COX11: variants seen among roughly 807,000 people sequenced by gnomAD.
COX11 encodes the protein cytochrome c oxidase assembly protein COX11, mitochondrial.
A neutral mutation model predicts 29.4 loss-of-function variants in COX11; 18 were observed. That is an observed-to-expected ratio of 0.61 (90% CI 0.42 to 0.91). COX11 has a LOEUF of 0.91. COX11 is among the 40% of genes least tolerant of loss of function. The pLI is 0.00. For synonymous variants in COX11, 131 were observed against 124.0 expected (o/e 1.06, Z -0.38); for missense variants, 312 against 346.0 (o/e 0.90, Z 0.78).
chr17:54,963,061 A>G, intron 3 of COX11, 146 bp from the exon 4 acceptor site: 1 of 811,482 alleles, frequency 1.2e-6, no homozygotes, highest in Non-Finnish European at 1.9e-6. Context: ...ATAAATTAAG[A>G]GCATCTTTTC....
downstream of COX11, among the ~76,000 whole-genome samples, chr17:54,960,232 G>T (rs2077082232): frequency 6.6e-6 from 1 of 152,072 alleles, no homozygotes; most frequent in Admixed American, 6.5e-5. Flanking sequence ...GGGCATGGTT[G>T]TGTGTCCCTG....
chr17:54,959,410 C>T (rs531272509), downstream of COX11: 1 of 151,788 alleles, frequency 6.6e-6, no homozygotes, highest in Non-Finnish European at 1.5e-5. Context: ...CCTGGGAGGT[C>T]GAAGCTGCAA....
chr17:54,964,846 C>T lies in COX11; in HGVS notation c.373G>A (p.Gly125Arg), dbSNP rs1479994843. 4.3e-6 allele frequency: 7 copies of T among 1,612,244 alleles called. No homozygotes were observed. Among genetic ancestry groups the T allele is most frequent in the Non-Finnish European group, 5.9e-6 (7 of 1,179,782 alleles). ...CCTGCAACTGCTGATCCTCCAAGTC[C>T]AGTAGTCTAGAAAAAGATACCAAAT... Reference protein sequence around the residue: ...PLYRLYCQTTGLGGSAVAGHA... With the variant: ...PLYRLYCQTTRLGGSAVAGHA... The change falls in exon 2 of 4, where the codon GGA becomes AGA. Residue 125 changes from glycine (G) to arginine (R), a missense_variant. Transcript: ENST00000299335.
chr17:54,965,588 G>T (rs1204528280), intron 1 of COX11, among the ~76,000 whole-genome samples: 1 of 152,100 alleles, frequency 6.6e-6, no homozygotes, highest in East Asian at 1.9e-4. Context: ...CAGCACTTTG[G>T]GAAGCCACGG....
exon 1 of COX11, chr17:54,954,439 C>T (rs556771848): frequency 6.6e-6 from 1 of 152,380 alleles, no homozygotes; most frequent in Non-Finnish European, 1.5e-5. Flanking sequence ...TGCGTTCCCA[C>T]TATGAGTGGT....
chr17:54,960,309 G>A (rs575328294), downstream of COX11, among the ~76,000 whole-genome samples: 271 of 152,192 alleles, frequency 1.8e-3, 1 homozygote, highest in Non-Finnish European at 3.5e-3. Context: ...AGGTTGCAGT[G>A]AGCCAAGAAA....
chr17:54,955,147 G>C (rs2049432153), exon 1 of COX11: 1 of 152,194 alleles, frequency 6.6e-6, no homozygotes, highest in Admixed American at 6.5e-5. Flanking sequence ...AACTCAGCTT[G>C]AATACTTCTG....
chr17:54,962,735 A>G lies in COX11; in HGVS notation c.829T>C (p.Ter277ArgextTer11). The G allele has an allele frequency of 6.2e-7, 1 of 1,609,982 alleles. No individual in the cohort carries two copies. The highest frequency in any genetic ancestry group is 8.5e-7 in the Non-Finnish European group (1 of 1,178,776). ...GAAGGAAGACTTAGTTGCTGACTTC[A>G]ATTATATCCTGGAACTGGCAACTTG... Reference protein sequence around the residue: ...GHKLPVPGYN* With the variant: ...GHKLPVPGYNR The change falls in exon 4 of 4, where the codon TGA becomes CGA. Residue 277 changes from the stop codon to arginine, a stop_lost. Transcript: ENST00000299335.
rs2049423888 is a variant in COX11, at chr17:54,955,049, C to T, written n.101G>A. ...GAGGCACCCTAACAAGCTCTCCTTC[C>T]AAGACCTAGTTCACGACATTCTACG... On this transcript the variant is annotated non_coding_transcript_exon_variant, in exon 1 of 1. Transcript: ENST00000572088. The T allele has an allele frequency of 2.0e-5, 3 of 152,116 alleles. No individual in the cohort carries two copies. The South Asian group carries it at 6.2e-4, about 32-fold the overall frequency. 9.4% of individuals were successfully genotyped at this position (152,116 alleles called of 1,614,324 possible).
chr17:54,965,866 A>G (rs888310526), intron 1 of COX11, among the ~76,000 whole-genome samples: 4 of 152,000 alleles, frequency 2.6e-5, no homozygotes, highest in African/African-American at 9.7e-5. Context: ...TTCCAAGGTC[A>G]TCTTTCTTCT....
chr17:54,967,989 TGCGGACCTTTTTTTTTTTTTTTG>T (rs1381458091), intron 1 of COX11, among the ~76,000 whole-genome samples: 1 of 114,542 alleles, frequency 8.7e-6, no homozygotes, highest in Non-Finnish European at 1.7e-5. Flanking sequence ...GGTTAGAGGC[TGCGGACCTTTTTTTTTTTTTTTG>T]GCGAGGTGCA....
chr17:54,967,448 A>C (rs925167655), intron 1 of COX11, among the ~76,000 whole-genome samples: 1 of 152,216 alleles, frequency 6.6e-6, no homozygotes, highest in Non-Finnish European at 1.5e-5. Context: ...CCAAAGCTGC[A>C]AATTATTAGC....
At chr17:54,967,853 C>G (rs773319963) in intron 1 of COX11, among the ~76,000 whole-genome samples, 2 of 152,114 alleles carry the variant, frequency 1.3e-5, no homozygotes, top group Non-Finnish European at 2.9e-5. Flanking sequence ...CCAAGAAACA[C>G]GAGTAGTCCA....
intron 1 of COX11, among the ~76,000 whole-genome samples, chr17:54,966,220 T>C (rs1029732593): frequency 6.6e-6 from 1 of 152,206 alleles, no homozygotes; most frequent in Non-Finnish European, 1.5e-5. Context: ...GATTCCAATA[T>C]AGTCTTTGAA....
chr17:54,962,987 T>C, intron 3 of COX11, 72 bp from the exon 4 acceptor site: 1 of 1,320,552 alleles, frequency 7.6e-7, no homozygotes. Flanking sequence ...ACAGTTCTTT[T>C]ATCTTAGCAT....
rs768619339 is a variant in COX11 at position 54,962,568 on chromosome 17, AG to A, written c.*164del. 13 of 1,339,900 alleles carry A rather than the reference AG, an allele frequency of 9.7e-6. No homozygotes were observed. Among genetic ancestry groups the A allele is most frequent in the Non-Finnish European group, 1.2e-5 (13 of 1,048,504 alleles). 83.0% of individuals were successfully genotyped at this position (1,339,900 alleles called of 1,614,324 possible). On this transcript the variant is annotated 3_prime_UTR_variant, in exon 4 of 4. Transcript: ENST00000299335. ...AGGCATATGAGTTTCTTATGATAAAAGCTGAACTTGTTCTCTCAAGTTTAAG... is the reference window on the plus strand; with the variant it reads ...AGGCATATGAGTTTCTTATGATAAAACTGAACTTGTTCTCTCAAGTTTAAG...
chr17:54,957,372 G>A (rs1385216871), downstream of COX11: 1 of 152,144 alleles, frequency 6.6e-6, no homozygotes, highest in African/African-American at 2.4e-5. Flanking sequence ...TCATATTAGT[G>A]GTTTAAGACA....
chr17:54,952,936 A>G (rs1457979043), exon 1 of COX11: 1 of 152,244 alleles, frequency 6.6e-6, no homozygotes, highest in East Asian at 1.9e-4. Context: ...AGAAAGAATG[A>G]GTGAAAGTTT....
downstream of COX11, chr17:54,956,893 TGCAGATGC>T (rs1412930667): frequency 6.6e-6 from 1 of 152,238 alleles, no homozygotes; most frequent in Non-Finnish European, 1.5e-5. Context: ...GTTGCAGTTG[TGCAGATGC>T]AGTGAGTCGT....
Sources: allele counts gnomAD v4.1 joint callset (sites outside exome capture counted in the v4.1 genomes callset), GRCh38; gene constraint gnomAD v4.1.1; transcripts MANE v1.5; gene names NCBI Gene and HGNC (gene_info 2026-07-23, HGNC 2026-07-21).